Variants in DAOA observed in about 807,000 individuals in gnomAD.
The protein encoded by DAOA is D-amino acid oxidase activator.
Under a neutral mutation model 16.4 loss-of-function variants are expected in DAOA, and 15 were observed. The ratio of observed to expected loss-of-function variants is 0.91; its 90% CI spans 0.61 to 1.41. DAOA has a LOEUF of 1.41. Among genes scored for constraint, DAOA ranks in the 40% most tolerant of loss-of-function variants. The pLI is 0.00. For missense variants in DAOA, 230 were observed against 176.8 expected, an observed-to-expected ratio of 1.30 and a Z score of -1.71; for synonymous variants, 75 against 59.1, an observed-to-expected ratio of 1.27 and a Z score of -1.23.
intron 3 of DAOA, 35 bp downstream of exon 3, chr13:105,467,176 TC>T (rs1474182379): frequency 1.3e-6 from 2 of 1,550,906 alleles, no homozygotes; most frequent in Non-Finnish European, 1.7e-6. Context: ...GAATTTAAAT[TC>T]TTCTAGAAGT....
chr13:105,487,261 T>C (rs1287233836), intron 4 of DAOA, among the ~76,000 whole-genome samples: 1 of 152,202 alleles, frequency 6.6e-6, no homozygotes, highest in Non-Finnish European at 1.5e-5. Context: ...CATTGACTCC[T>C]CATGGTGCAC....
intron 2 of DAOA, 46 bp downstream of exon 2, chr13:105,466,378 G>A (rs1876516688): frequency 6.2e-7 from 1 of 1,613,222 alleles, no homozygotes; most frequent in African/African-American, 1.3e-5. Context: ...TCAGTGCAAT[G>A]TGACATTTGC....
At chr13:105,486,642 G>C (rs1470682925) in intron 4 of DAOA, among the ~76,000 whole-genome samples, 5 of 150,596 alleles carry the variant, frequency 3.3e-5, no homozygotes, top group African/African-American at 1.2e-4. Context: ...TTTTGAGACA[G>C]AGTTTCACTC....
chr13:105,486,777 C>T (rs1445496751), intron 4 of DAOA, among the ~76,000 whole-genome samples: 1 of 151,966 alleles, frequency 6.6e-6, no homozygotes, highest in East Asian at 1.9e-4. Context: ...CACAACCAAG[C>T]CTGGATAATT....
chr13:105,466,998 C>G, intron 2 of DAOA, 55 bp from the exon 3 acceptor site: 6 of 1,569,792 alleles, frequency 3.8e-6, no homozygotes, highest in Non-Finnish European at 5.2e-6. Context: ...TTCTTTCTCT[C>G]TTCTGCAGGG....
intron 3 of DAOA, among the ~76,000 whole-genome samples, chr13:105,470,177 A>G (rs1876831783): frequency 6.6e-6 from 1 of 151,848 alleles, no homozygotes; most frequent in Admixed American, 6.6e-5. Context: ...TCTAACCAGA[A>G]TAAACTATCA....
At chr13:105,489,042 A>G (rs1878329296) in intron 4 of DAOA, among the ~76,000 whole-genome samples, 1 of 152,176 alleles carries the variant, frequency 6.6e-6, no homozygotes, top group Non-Finnish European at 1.5e-5. Context: ...GAACACACCT[A>G]TTGCATTACA....
chr13:105,472,526 A>G lies in DAOA; in HGVS notation c.134-12A>G. The G allele has an allele frequency of 6.2e-7, 1 of 1,612,532 alleles. No homozygotes were observed. Among genetic ancestry groups the G allele is most frequent in the South Asian group, 1.1e-5 (1 of 90,904 alleles). ...TAATATGTATTATATATCCACTTAA[A>G]TACTGTTGCAGCAAAGGAGACAGAA... On this transcript the variant is annotated splice_polypyrimidine_tract_variant and intron_variant, in intron 3 of 5. Coordinates refer to ENST00000375936, the MANE Select transcript of DAOA (RefSeq NM_172370.5).
At chr13:105,480,072 C>G (rs1594113495) in intron 4 of DAOA, among the ~76,000 whole-genome samples, 1 of 152,020 alleles carries the variant, frequency 6.6e-6, no homozygotes, top group Non-Finnish European at 1.5e-5. Flanking sequence ...GGTCATTTTT[C>G]AATGACAAAA....
At position 105,467,142 on chromosome 13, in the gene DAOA, G is replaced by A. The variant is rs201985417; in HGVS notation, c.133+1G>A. The A allele has an allele frequency of 1.1e-5, 18 of 1,602,820 alleles. No individual in the cohort carries two copies. The East Asian group carries it at 3.6e-4, about 32-fold the overall frequency. Reference sequence around the variant, plus strand: ...TCTGAAAACTCTCTAAACTCTATTGGTATGTTACTCTTTATCTTTATATGA... The same window carrying A: ...TCTGAAAACTCTCTAAACTCTATTGATATGTTACTCTTTATCTTTATATGA... On this transcript the variant is annotated splice_donor_variant, in intron 3 of 5. Transcript: ENST00000375936. LOFTEE classifies it high-confidence loss of function.
chr13:105,466,371 GTGCAATGTGACATT>G (rs1484023960), intron 2 of DAOA, 39 bp downstream of exon 2: 11 of 1,613,656 alleles, frequency 6.8e-6, no homozygotes, highest in Non-Finnish European at 9.3e-6. Flanking sequence ...GGCGGCCTCA[GTGCAATGTGACATT>G]TGCATGGCAG....
chr13:105,470,345 T>C (rs911275565), intron 3 of DAOA, among the ~76,000 whole-genome samples: 2 of 152,114 alleles, frequency 1.3e-5, no homozygotes, highest in Admixed American at 1.3e-4. Flanking sequence ...TGGCAACTTG[T>C]CTCACTTTCC....
At chr13:105,471,656 A>G (rs570779012) in intron 3 of DAOA, among the ~76,000 whole-genome samples, 84 of 152,352 alleles carry the variant, frequency 5.5e-4, no homozygotes, top group African/African-American at 2.0e-3. Flanking sequence ...GATTAATAAG[A>G]GAAACAATAA....
At chr13:105,488,920 G>C (rs1365650212) in intron 4 of DAOA, among the ~76,000 whole-genome samples, 1 of 152,160 alleles carries the variant, frequency 6.6e-6, no homozygotes, top group African/African-American at 2.4e-5. Flanking sequence ...AAGCCATCAA[G>C]ATTAATTTCT....
At chr13:105,485,916 T>C (rs1208465709) in intron 4 of DAOA, among the ~76,000 whole-genome samples, 1 of 152,154 alleles carries the variant, frequency 6.6e-6, no homozygotes, top group African/African-American at 2.4e-5. Flanking sequence ...TGGGAGAGAA[T>C]AGATTTCTGT....
chr13:105,466,761 T>G (rs902470902), intron 2 of DAOA, among the ~76,000 whole-genome samples: 1 of 152,118 alleles, frequency 6.6e-6, no homozygotes, highest in African/African-American at 2.4e-5. Flanking sequence ...GGCGCTAGTT[T>G]GGAGATTTTT....
intron 3 of DAOA, among the ~76,000 whole-genome samples, chr13:105,471,218 A>T (rs1307865322): frequency 2.0e-5 from 3 of 152,194 alleles, no homozygotes; most frequent in African/African-American, 7.2e-5. Flanking sequence ...GTGAGCCACC[A>T]CACCTGGCCA....
intron 4 of DAOA, among the ~76,000 whole-genome samples, chr13:105,476,267 G>A (rs1296085460): frequency 6.6e-6 from 1 of 151,948 alleles, no homozygotes; most frequent in Non-Finnish European, 1.5e-5. Context: ...CCAGGCACTG[G>A]AATTTCTCAC....
intron 3 of DAOA, among the ~76,000 whole-genome samples, chr13:105,469,111 T>A (rs1317432453): frequency 6.6e-6 from 1 of 152,166 alleles, no homozygotes; most frequent in Non-Finnish European, 1.5e-5. Flanking sequence ...TTTCTACAGG[T>A]AGGAGAGAGT....
Sources: gnomAD v4.1 joint callset for allele counts (sites outside exome capture counted in the v4.1 genomes callset) on GRCh38, gnomAD v4.1.1 for gene constraint, MANE v1.5 for transcripts, NCBI Gene and HGNC (gene_info 2026-07-23, HGNC 2026-07-21) for gene names.